Variants in CNTRL observed in about 807,000 individuals in gnomAD.
The protein encoded by CNTRL is centriolin.
Under a neutral mutation model 303.7 loss-of-function variants are expected in CNTRL, and 233 were observed. The observed-to-expected ratio is 0.77, with a 90% CI of 0.69 to 0.86. The LOEUF (loss-of-function observed/expected upper bound fraction) is 0.86, where lower values mean the gene tolerates loss of function less well. CNTRL is among the 40% of genes least tolerant of loss of function. The probability of loss-of-function intolerance (pLI) is 0.00; values close to 1 mark genes in which losing one functional copy is unlikely to be tolerated. For synonymous variants in CNTRL, 900 were observed against 922.2 expected (o/e 0.98, Z 0.44); for missense variants, 2,524 against 2,650.6 (o/e 0.95, Z 1.05).
At chr9:121,148,077 C>G (rs1390001424) in intron 23 of CNTRL, among the ~76,000 whole-genome samples, 1 of 152,070 alleles carries the variant, frequency 6.6e-6, no homozygotes, top group Non-Finnish European at 1.5e-5. Context: ...AAAAACAAAA[C>G]AAAACAAAAA....
rs149595133 is a variant in CNTRL at position 121,169,866 on chromosome 9, T to C, written c.6276+50T>C. 5.5e-5 allele frequency: 81 copies of C among 1,469,780 alleles called. No individual in the cohort carries two copies. In the African/African-American group the frequency reaches 9.3e-4, roughly 17 times the overall value. The allele number at this position is 1,469,780 out of a possible 1,614,324, so 91.0% of individuals were successfully genotyped here. A position where few individuals can be genotyped will look rare whatever the true frequency, so the allele number is the denominator to read the frequency against. ...TTGTGAGGAAATGATAAATTTAAAA[T>C]TTTAAACTGCAACACCACTTCAACA... is the stretch of plus-strand genomic sequence containing the variant. On this transcript the variant is annotated intron_variant, in intron 39 of 43. Coordinates refer to ENST00000373855, the MANE Select transcript of CNTRL (RefSeq NM_007018.6).
At chr9:121,104,339 C>T (rs1045395034) in intron 7 of CNTRL, among the ~76,000 whole-genome samples, 7 of 152,076 alleles carry the variant, frequency 4.6e-5, no homozygotes, top group African/African-American at 1.4e-4. Context: ...AACACTTGGA[C>T]ACAGGGTGGG....
At chr9:121,116,924 G>A (rs772550579) in intron 11 of CNTRL, among the ~76,000 whole-genome samples, 6 of 152,192 alleles carry the variant, frequency 3.9e-5, no homozygotes, top group Middle Eastern at 3.4e-3. Context: ...CTATCAAGAC[G>A]GTTTTACTAA....
In CNTRL at chr9:121,145,248, G is replaced by T. The variant is rs150438722; in HGVS notation, c.3173G>T (p.Arg1058Leu). 2.3e-5 allele frequency: 37 copies of T among 1,601,312 alleles called. No homozygotes were observed. Among genetic ancestry groups the T allele is most frequent in the Middle Eastern group, 1.7e-4 (1 of 6,038 alleles). Reference sequence around the variant, plus strand: ...ATGTGTAATTTTTTTAAATAGTTTCGACTTGAGATGGAGAAAACAGGTGTA... The same window carrying T: ...ATGTGTAATTTTTTTAAATAGTTTCTACTTGAGATGGAGAAAACAGGTGTA... Reference protein sequence around the residue: ...NLLRQKGEQFRLEMEKTGVGT... With the variant: ...NLLRQKGEQFLLEMEKTGVGT... Residue 1058 changes from arginine to leucine, a missense_variant, in exon 22 of 44, where the codon CGA becomes CTA. Transcript: ENST00000373855.
At chr9:121,145,457 A>G in intron 22 of CNTRL, 72 bp downstream of exon 22, 3 of 1,445,494 alleles carry the variant, frequency 2.1e-6, no homozygotes, top group Non-Finnish European at 1.9e-6. Context: ...TTTGTTTTTT[A>G]CCTTTAACTG....
chr9:121,168,671 C>A (rs2053187504), intron 38 of CNTRL, among the ~76,000 whole-genome samples: 3 of 152,164 alleles, frequency 2.0e-5, no homozygotes, highest in Non-Finnish European at 4.4e-5. Flanking sequence ...TCAAAAAAAT[C>A]ATATTAACAG....
chr9:121,131,993 G>C (rs1464955523), intron 14 of CNTRL, among the ~76,000 whole-genome samples: 1 of 151,892 alleles, frequency 6.6e-6, no homozygotes, highest in Non-Finnish European at 1.5e-5. Flanking sequence ...GAGTTTCTGA[G>C]AGATCTGCTG....
At chr9:121,107,738 T>C in intron 7 of CNTRL, 64 bp from the exon 8 acceptor site, 1 of 1,032,152 alleles carries the variant, frequency 9.7e-7, no homozygotes, top group South Asian at 1.9e-5. Context: ...GTTTGAGAAA[T>C]ATTCTTACCT....
chr9:121,161,335 AAT>A, intron 32 of CNTRL: 1 of 414,456 alleles, frequency 2.4e-6, no homozygotes. Flanking sequence ...TTAATATTTA[AAT>A]ATCTGTATTT....
intron 13 of CNTRL, 65 bp from the exon 14 acceptor site, chr9:121,125,651 A>G: frequency 7.3e-7 from 1 of 1,377,680 alleles, no homozygotes; most frequent in Non-Finnish European, 1.0e-6. Flanking sequence ...CTTATAACAA[A>G]ATGCTGAGCA....
rs771847264 is a variant in CNTRL at position 121,144,949 on chromosome 9, AG to A, written c.3163del (p.Glu1055SerfsTer12). 1 of 1,613,008 alleles carries A rather than the reference AG, an allele frequency of 6.2e-7. No homozygotes were observed. Among genetic ancestry groups the A allele is most frequent in the African/African-American group, 1.3e-5 (1 of 75,006 alleles). On this transcript the variant is annotated frameshift_variant, in exon 21 of 44. Transcript: ENST00000373855. LOFTEE classifies it high-confidence loss of function. Reference protein sequence around the residue: ...IELLQNLLRQKGEQFRLEMEK... With the variant: ...IELLQNLLRQXGEQFRLEMEK... ...CTCCTGCAGAATCTCCTCAGGCAGA[AG>A]GGGGAGCAGGTCAGTGTTGGTACCC...
intron 7 of CNTRL, among the ~76,000 whole-genome samples, chr9:121,100,149 C>T (rs2049083581): frequency 6.6e-6 from 1 of 152,168 alleles, no homozygotes; most frequent in Admixed American, 6.5e-5. Context: ...ATGTTAAGGG[C>T]AGGCAGAGAG....
chr9:121,177,530 C>T lies in CNTRL; in HGVS notation c.*344C>T, dbSNP rs1234478274. ...TTAACAAAAAGAATGTACTTAAGGCCCTCTTTATTTATAGTGTCGAGTTAT... is the reference window on the plus strand; with the variant it reads ...TTAACAAAAAGAATGTACTTAAGGCTCTCTTTATTTATAGTGTCGAGTTAT... On this transcript the variant is annotated 3_prime_UTR_variant, in exon 44 of 44. Transcript: ENST00000373855. 3 of 262,534 alleles carry T rather than the reference C, an allele frequency of 1.1e-5. No homozygotes were observed. Among genetic ancestry groups the T allele is most frequent in the Non-Finnish European group, 2.1e-5 (3 of 139,864 alleles). The allele number at this position is 262,534 out of a possible 1,614,324, so 16.3% of individuals were successfully genotyped here. A position where few individuals can be genotyped will look rare whatever the true frequency, so the allele number is the denominator to read the frequency against.
chr9:121,137,123 G>A (rs954933086), intron 15 of CNTRL, among the ~76,000 whole-genome samples: 1 of 152,164 alleles, frequency 6.6e-6, no homozygotes, highest in East Asian at 1.9e-4. Flanking sequence ...AGAGGTAAAG[G>A]CAGAGAGGCA....
chr9:121,132,538 T>C (rs1348472827), intron 14 of CNTRL, among the ~76,000 whole-genome samples: 1 of 152,220 alleles, frequency 6.6e-6, no homozygotes, highest in African/African-American at 2.4e-5. Flanking sequence ...TCGTCTAATC[T>C]TTTTTCAAGG....
chr9:121,126,686 A>C (rs978315315), intron 14 of CNTRL, among the ~76,000 whole-genome samples: 1 of 152,080 alleles, frequency 6.6e-6, no homozygotes, highest in Non-Finnish European at 1.5e-5. Context: ...CTGCACCTCT[A>C]TTCTTTTATT....
chr9:121,121,807 T>G (rs535304056), intron 12 of CNTRL: 1,318 of 985,432 alleles, frequency 1.3e-3, no homozygotes, highest in Non-Finnish European at 1.5e-3. Flanking sequence ...CTCTGCGAAG[T>G]TACAGAGGCT....
chr9:121,115,372 A>G, intron 11 of CNTRL, among the ~76,000 whole-genome samples, 172 bp downstream of exon 11: 1 of 152,230 alleles, frequency 6.6e-6, no homozygotes, highest in East Asian at 1.9e-4. Flanking sequence ...ATTTTCTTCC[A>G]TTTATGATGA....
In CNTRL at chr9:121,141,566, G is replaced by C; in HGVS notation, c.2669G>C (p.Cys890Ser). Residue 890 changes from cysteine to serine, a missense_variant, in exon 18 of 44, where the codon TGT becomes TCT. Cys to Ser is a moderately radical substitution (Grantham distance 112). Coordinates refer to ENST00000373855, the MANE Select transcript of CNTRL (RefSeq NM_007018.6). ...GGACAAGAAGAGTTCAGGCAGGCCT[G>C]TGAGAGAGCCCTGGAAGCAAGAGTA... ...ATGQEEFRQACERALEARMNF... is the reference protein window; with the variant it reads ...ATGQEEFRQASERALEARMNF... The C allele has an allele frequency of 6.2e-7, 1 of 1,614,070 alleles. No individual in the cohort carries two copies. The highest frequency in any genetic ancestry group is 8.5e-7 in the Non-Finnish European group (1 of 1,179,982).
Sources: allele counts gnomAD v4.1 joint callset (sites outside exome capture counted in the v4.1 genomes callset), GRCh38; gene constraint gnomAD v4.1.1; transcripts MANE v1.5; gene names NCBI Gene and HGNC (gene_info 2026-07-23, HGNC 2026-07-21).